USP47: variants seen among roughly 807,000 people sequenced by gnomAD.
USP47 encodes ubiquitin specific peptidase 47.
A neutral mutation model predicts 165.1 loss-of-function variants in USP47; 35 were observed. The ratio of observed to expected loss-of-function variants is 0.21; its 90% CI spans 0.16 to 0.28. USP47 has a LOEUF of 0.28. Among genes scored for constraint, USP47 ranks in the 10% least tolerant of loss-of-function variants. The probability of loss-of-function intolerance (pLI) is 1.00; values close to 1 mark genes in which losing one functional copy is unlikely to be tolerated. For missense variants in USP47, 1,277 were observed against 1,607.4 expected, an observed-to-expected ratio of 0.79 and a Z score of 3.52; for synonymous variants, 531 against 544.5, an observed-to-expected ratio of 0.98 and a Z score of 0.35.
At chr11:11,912,088 A>C (rs1853038330) in intron 8 of USP47, among the ~76,000 whole-genome samples, 1 of 152,010 alleles carries the variant, frequency 6.6e-6, no homozygotes, top group South Asian at 2.1e-4. Context: ...CGAGAGGGAA[A>C]CTCACAGTAT....
At chr11:11,877,287 C>T (rs1850495602) in intron 1 of USP47, among the ~76,000 whole-genome samples, 1 of 152,080 alleles carries the variant, frequency 6.6e-6, no homozygotes, top group African/African-American at 2.4e-5. Context: ...TTACTGTTAG[C>T]AATGGTGATT....
chr11:11,843,891 A>G (rs1848284579), intron 1 of USP47, among the ~76,000 whole-genome samples: 9 of 152,168 alleles, frequency 5.9e-5, no homozygotes, highest in Admixed American at 5.9e-4. Flanking sequence ...ATCACAACTT[A>G]TGTTTTTTCC....
At chr11:11,855,201 T>C (rs1365807152) in intron 1 of USP47, among the ~76,000 whole-genome samples, 1 of 152,202 alleles carries the variant, frequency 6.6e-6, no homozygotes, top group African/African-American at 2.4e-5. Context: ...AAAAATTAGT[T>C]TGGTTTATAT....
intron 23 of USP47, 60 bp downstream of exon 23, chr11:11,950,064 G>T: frequency 8.1e-7 from 1 of 1,237,264 alleles, no homozygotes; most frequent in South Asian, 1.3e-5. Flanking sequence ...AGTTGAAATG[G>T]ACTGGTATGA....
At chr11:11,858,653 C>T (rs1450060249) in intron 1 of USP47, among the ~76,000 whole-genome samples, 1 of 152,160 alleles carries the variant, frequency 6.6e-6, no homozygotes, top group Non-Finnish European at 1.5e-5. Context: ...ATGTCATTTA[C>T]ATGGAGTCAT....
chr11:11,961,079 C>G lies in USP47; in HGVS notation c.*4904C>G, dbSNP rs930740618. ...TATCAATAATAATATCGGTGGTTTA[C>G]TTAAGGTGTCCAGAGATGGTGGAGA... On this transcript the variant is annotated 3_prime_UTR_variant, in exon 28 of 28. Coordinates refer to ENST00000527733, the MANE Select transcript of USP47 (RefSeq NM_001282659.2). 1.3e-5 allele frequency among the ~76,000 whole-genome samples: 2 copies of G among 152,154 alleles called. No homozygotes were observed. The highest frequency in any genetic ancestry group is 2.4e-5 in the African/African-American group (1 of 41,430).
intron 1 of USP47, among the ~76,000 whole-genome samples, chr11:11,849,998 C>G (rs1372167432): frequency 2.6e-5 from 4 of 152,144 alleles, no homozygotes; most frequent in African/African-American, 4.8e-5. Context: ...CTTAGAACAT[C>G]CTTTTCAACT....
At chr11:11,924,608 T>A (rs1360512477) in intron 11 of USP47, among the ~76,000 whole-genome samples, 2 of 152,208 alleles carry the variant, frequency 1.3e-5, no homozygotes, top group African/African-American at 4.8e-5. Context: ...TAGAAAGTGG[T>A]TAATTATTGA....
At chr11:11,951,173 G>C (rs1470762384) in intron 24 of USP47, 2 of 152,374 alleles carry the variant, frequency 1.3e-5, no homozygotes, top group Non-Finnish European at 2.9e-5. Context: ...CCCAGTCTCT[G>C]CCTTCATCTT....
intron 1 of USP47, among the ~76,000 whole-genome samples, chr11:11,871,551 G>T (rs1271623368): frequency 7.0e-6 from 1 of 143,672 alleles, no homozygotes; most frequent in Non-Finnish European, 1.5e-5. Context: ...ATTCTGGTTG[G>T]TGGGAACCTA....
chr11:11,892,384 T>C lies in USP47; in HGVS notation c.496+278T>C, dbSNP rs1398838331. On this transcript the variant is annotated intron_variant, in intron 4 of 27. Coordinates refer to ENST00000527733, the MANE Select transcript of USP47 (RefSeq NM_001282659.2). ...TTTTCTTTTCTTTTTAATTTTCTTT[T>C]TTTTTTTTTTTTTTTGAGACAGAGT... Among the ~76,000 whole-genome samples, 5 of 145,462 alleles carry C rather than the reference T, an allele frequency of 3.4e-5. 1 individual carries two copies. In the South Asian group the frequency reaches 6.6e-4, roughly 19 times the overall value.
chr11:11,904,801 A>G (rs925613664), intron 7 of USP47, among the ~76,000 whole-genome samples: 1 of 152,048 alleles, frequency 6.6e-6, no homozygotes. Flanking sequence ...ATTTTTTTTG[A>G]ATTTCCATAC....
intron 19 of USP47, among the ~76,000 whole-genome samples, chr11:11,940,785 C>T (rs1459908018): frequency 6.6e-6 from 1 of 151,776 alleles, no homozygotes; most frequent in African/African-American, 2.4e-5. Flanking sequence ...GCACTCCCAC[C>T]TGGAGTGTTC....
At chr11:11,921,320 T>C (rs1853822186) in intron 10 of USP47, among the ~76,000 whole-genome samples, 1 of 151,660 alleles carries the variant, frequency 6.6e-6, no homozygotes, top group African/African-American at 2.4e-5. Flanking sequence ...TCAAAAATAA[T>C]TTTAAACATT....
chr11:11,890,747 C>G (rs1851460122), intron 3 of USP47, among the ~76,000 whole-genome samples: 1 of 152,128 alleles, frequency 6.6e-6, no homozygotes, highest in African/African-American at 2.4e-5. Flanking sequence ...ATAATAAAGA[C>G]ATGGAATCAA....
In USP47 at chr11:11,940,421, C is replaced by T. The variant is rs779311887; in HGVS notation, c.2194-8C>T. ...AGAGTACTTTTTATTAAATTGCTTT[C>T]ATTATAGGCCATCCATTTACCTGCT... On this transcript the variant is annotated splice_polypyrimidine_tract_variant and splice_region_variant and intron_variant, in intron 18 of 27. Transcript: ENST00000527733. 1.7e-4 allele frequency: 277 copies of T among 1,599,046 alleles called. No individual in the cohort carries two copies. The highest frequency in any genetic ancestry group is 2.3e-4 in the Non-Finnish European group (265 of 1,172,714).
intron 1 of USP47, among the ~76,000 whole-genome samples, chr11:11,858,241 G>A (rs1849170588): frequency 6.6e-6 from 1 of 151,674 alleles, no homozygotes; most frequent in Non-Finnish European, 1.5e-5. Flanking sequence ...ATGCTCCACC[G>A]GTAACGGTTA....
intron 19 of USP47, among the ~76,000 whole-genome samples, chr11:11,942,132 A>G (rs1855516120): frequency 6.6e-6 from 1 of 152,112 alleles, no homozygotes; most frequent in African/African-American, 2.4e-5. Context: ...ATCTTAGTGT[A>G]GTTTTATGGC....
chr11:11,871,145 C>T (rs1850010894), intron 1 of USP47, among the ~76,000 whole-genome samples: 1 of 152,116 alleles, frequency 6.6e-6, no homozygotes, highest in Non-Finnish European at 1.5e-5. Flanking sequence ...GGTCCCAGTA[C>T]TAAGACAGTA....
Sources: allele counts gnomAD v4.1 joint callset (sites outside exome capture counted in the v4.1 genomes callset), GRCh38; gene constraint gnomAD v4.1.1; transcripts MANE v1.5; gene names NCBI Gene and HGNC (gene_info 2026-07-23, HGNC 2026-07-21).